The following CYP4Z1 variants were observed in gnomAD, a reference collection of about 807,000 sequenced individuals.
CYP4Z1 encodes cytochrome P450 4Z1.
In CYP4Z1, 41 loss-of-function variants were observed where a neutral mutation model predicts 54.2. The ratio of observed to expected loss-of-function variants is 0.76; its 90% CI spans 0.59 to 0.98. The LOEUF (loss-of-function observed/expected upper bound fraction) is 0.98, where lower values mean the gene tolerates loss of function less well. CYP4Z1 is among the 50% of genes least tolerant of loss of function. The pLI, the probability that CYP4Z1 is intolerant of heterozygous loss-of-function variation, is 0.00. For synonymous variants in CYP4Z1, 163 were observed against 206.2 expected (o/e 0.79, Z 1.79); for missense variants, 513 against 599.0 (o/e 0.86, Z 1.50).
rs767280490 is a variant in CYP4Z1, at chr1:47,117,775, T to G, written c.1359T>G (p.Ile453Met). 3 of 1,612,518 alleles carry G rather than the reference T, an allele frequency of 1.9e-6. No homozygotes were observed. The highest frequency in any genetic ancestry group is 2.5e-6 in the Non-Finnish European group (3 of 1,179,296). ...IPFSAGLRNCIGQHFAIIECK... is the reference protein window; with the variant it reads ...IPFSAGLRNCMGQHFAIIECK... ...TTCTTGGTATCCCCAGGAACTGCAT[T>G]GGGCAGCATTTTGCCATAATTGAGT... The change falls in exon 12 of 12, where the codon ATT becomes ATG. Residue 453 changes from isoleucine to methionine, a missense_variant. By Grantham distance (10) the Ile-to-Met change is conservative (BLOSUM62 1). Transcript: ENST00000334194.
intron 6 of CYP4Z1, among the ~76,000 whole-genome samples, chr1:47,088,028 C>T (rs1644610434): frequency 6.6e-6 from 1 of 152,186 alleles, no homozygotes; most frequent in South Asian, 2.1e-4. Flanking sequence ...ACCAGCCTTG[C>T]ATCCCAGGGA....
rs528379747 is a variant in CYP4Z1, at chr1:47,068,876, A to G, written c.319+113A>G. On this transcript the variant is annotated intron_variant, in intron 2 of 11. Coordinates refer to ENST00000334194, the MANE Select transcript of CYP4Z1 (RefSeq NM_178134.3). ...ATTTTTAAGGGAAATCCATCATTTGATATGTTGAAGGGAAGATTCCATGTC... is the reference window on the plus strand; with the variant it reads ...ATTTTTAAGGGAAATCCATCATTTGGTATGTTGAAGGGAAGATTCCATGTC... The G allele has an allele frequency of 8.5e-5, 119 of 1,392,838 alleles. 1 individual carries two copies. The African/African-American group carries it at 1.6e-3, about 19-fold the overall frequency. 86.3% of individuals were successfully genotyped at this position (1,392,838 alleles called of 1,614,324 possible).
At chr1:47,091,682 C>T (rs1644638838) in intron 6 of CYP4Z1, among the ~76,000 whole-genome samples, 1 of 149,558 alleles carries the variant, frequency 6.7e-6, no homozygotes, top group African/African-American at 2.4e-5. Flanking sequence ...AAGAGCTCCC[C>T]CTACAGGACA....
chr1:47,096,360 G>A (rs1191047957), intron 7 of CYP4Z1, among the ~76,000 whole-genome samples: 1 of 152,154 alleles, frequency 6.6e-6, no homozygotes, highest in Non-Finnish European at 1.5e-5. Context: ...AGCTAATCAT[G>A]CCACTGCACT....
intron 4 of CYP4Z1, among the ~76,000 whole-genome samples, chr1:47,083,854 T>C (rs911998008): frequency 1.4e-4 from 22 of 152,162 alleles, no homozygotes; most frequent in Non-Finnish European, 2.6e-4. Flanking sequence ...CCTATTGCTC[T>C]TTCTCTACTC....
Position 47,088,091 on chromosome 1 carries a change from G to A in CYP4Z1, c.772+3113G>A, listed in dbSNP as rs539080856. Among the ~76,000 whole-genome samples, 8 of 152,206 alleles carry A rather than the reference G, an allele frequency of 5.3e-5. No individual in the cohort carries two copies. The South Asian group carries it at 6.2e-4, about 12-fold the overall frequency. On this transcript the variant is annotated intron_variant, in intron 6 of 11. Transcript: ENST00000334194. ...GCTTTTTGATGTGCTGCTGGATTCCGTTTGCCAGTATTTTATTAAGGATTT... is the reference window on the plus strand; with the variant it reads ...GCTTTTTGATGTGCTGCTGGATTCCATTTGCCAGTATTTTATTAAGGATTT...
intron 8 of CYP4Z1, among the ~76,000 whole-genome samples, chr1:47,103,830 A>T (rs1644738157): frequency 6.6e-6 from 1 of 152,074 alleles, no homozygotes; most frequent in Admixed American, 6.5e-5. Flanking sequence ...TCTTGACCTC[A>T]GGTTATCCTC....
chr1:47,101,455 T>A (rs1302280528), intron 8 of CYP4Z1, among the ~76,000 whole-genome samples: 5 of 152,210 alleles, frequency 3.3e-5, no homozygotes, highest in Non-Finnish European at 7.3e-5. Flanking sequence ...GTTTCAACTT[T>A]CATTTGTTTC....
At chr1:47,110,968 T>C (rs1173215656) in intron 9 of CYP4Z1, among the ~76,000 whole-genome samples, 3 of 151,664 alleles carry the variant, frequency 2.0e-5, no homozygotes, top group Non-Finnish European at 2.9e-5. Flanking sequence ...ACCTGGCCAT[T>C]TGTTTTTTGA....
intron 8 of CYP4Z1, among the ~76,000 whole-genome samples, chr1:47,099,837 G>A (rs1644707111): frequency 6.6e-6 from 1 of 152,144 alleles, no homozygotes; most frequent in African/African-American, 2.4e-5. Flanking sequence ...GTGAAACATA[G>A]AACACATTCA....
At chr1:47,057,335 A>AAAAAAAAAAATAT in the CYP4Z1 span, among the ~76,000 whole-genome samples, 93 of 28,376 alleles carry the variant, frequency 3.3e-3, 3 homozygotes, top group Non-Finnish European at 5.2e-3. Flanking sequence ...AAGAAAAAAA[A>AAAAAAAAAAATAT]ATATATATAT....
chr1:47,062,453 C>CT (rs577772772), upstream of CYP4Z1, among the ~76,000 whole-genome samples: 118 of 152,256 alleles, frequency 7.8e-4, no homozygotes, highest in Non-Finnish European at 1.3e-3. Flanking sequence ...GTTCTCAGCC[C>CT]TGGTCACTGG....
intron 6 of CYP4Z1, among the ~76,000 whole-genome samples, chr1:47,085,379 C>A (rs1443249236): frequency 2.0e-5 from 3 of 152,118 alleles, no homozygotes; most frequent in African/African-American, 7.2e-5. Context: ...AACAACACAG[C>A]ACACCACTGA....
intron 4 of CYP4Z1, among the ~76,000 whole-genome samples, chr1:47,083,172 C>A (rs1644568161): frequency 6.6e-6 from 1 of 152,058 alleles, no homozygotes; most frequent in East Asian, 1.9e-4. Flanking sequence ...CACAGGATCT[C>A]AATCCTAGTC....
chr1:47,102,624 G>A (rs1569744803), intron 8 of CYP4Z1, among the ~76,000 whole-genome samples: 3 of 152,218 alleles, frequency 2.0e-5, no homozygotes, highest in African/African-American at 7.2e-5. Context: ...TTTTCTTTCA[G>A]CACTTCAAAT....
the CYP4Z1 span, among the ~76,000 whole-genome samples, chr1:47,057,335 A>AATATATATAT: frequency 1.4e-4 from 4 of 28,406 alleles, no homozygotes; most frequent in African/African-American, 1.8e-4. Flanking sequence ...AAGAAAAAAA[A>AATATATATAT]ATATATATAT....
chr1:47,077,669 A>C (rs1557622770), intron 2 of CYP4Z1, among the ~76,000 whole-genome samples: 1 of 151,328 alleles, frequency 6.6e-6, no homozygotes, highest in African/African-American at 2.4e-5. Context: ...CACCTAGGGT[A>C]GGGTGCAGTG....
At chr1:47,094,118 C>G (rs1644659008) in intron 6 of CYP4Z1, among the ~76,000 whole-genome samples, 1 of 152,120 alleles carries the variant, frequency 6.6e-6, no homozygotes, top group Admixed American at 6.5e-5. Context: ...TTTCAGTATT[C>G]CTCTGCCACT....
the CYP4Z1 span, among the ~76,000 whole-genome samples, chr1:47,057,324 T>TAGGAAAAAAA: frequency 1.2e-3 from 2 of 1,644 alleles, no homozygotes; most frequent in Admixed American, 9.3e-3. Flanking sequence ...TGTTACTTCT[T>TAGGAAAAAAA]AAGAAAAAAA....
Sources: allele counts gnomAD v4.1 joint callset (sites outside exome capture counted in the v4.1 genomes callset), GRCh38; gene constraint gnomAD v4.1.1; transcripts MANE v1.5; gene names NCBI Gene and HGNC (gene_info 2026-07-23, HGNC 2026-07-21).